Variants in COL21A1 observed in about 807,000 individuals in gnomAD.
The protein encoded by COL21A1 is collagen type XXI alpha 1 chain.
A neutral mutation model predicts 137.9 loss-of-function variants in COL21A1; 149 were observed. The ratio of observed to expected loss-of-function variants is 1.08; its 90% CI spans 0.95 to 1.24. COL21A1 has a LOEUF of 1.24. Ranked by LOEUF, COL21A1 falls within the 50% of genes most tolerant of loss-of-function variation. COL21A1 has a pLI of 0.00. For missense variants in COL21A1, 1,167 were observed against 1,158.4 expected (o/e 1.01, Z -0.11); for synonymous variants, 456 against 391.5 (o/e 1.16, Z -1.95).
At chr6:56,088,260 A>G (rs536891425) in intron 17 of COL21A1, among the ~76,000 whole-genome samples, 1 of 152,208 alleles carries the variant, frequency 6.6e-6, no homozygotes, top group South Asian at 2.1e-4. Flanking sequence ...GCTACTGAGG[A>G]GGCTGAAGCA....
chr6:56,078,873 A>G (rs1423592822), intron 17 of COL21A1, among the ~76,000 whole-genome samples: 1 of 150,112 alleles, frequency 6.7e-6, no homozygotes, highest in Non-Finnish European at 1.5e-5. Flanking sequence ...AAACGTAAGT[A>G]GAGAATAATA....
At chr6:56,269,649 C>G (rs567007357) in intron 1 of COL21A1, among the ~76,000 whole-genome samples, 13 of 100,690 alleles carry the variant, frequency 1.3e-4, no homozygotes, top group African/African-American at 4.4e-4. Context: ...AGCGAGACTC[C>G]GTCTCAAAAA....
intron 1 of COL21A1, among the ~76,000 whole-genome samples, chr6:56,304,262 G>A (rs1304630086): frequency 6.6e-6 from 1 of 151,936 alleles, no homozygotes; most frequent in Non-Finnish European, 1.5e-5. Flanking sequence ...GAGTTAGGGA[G>A]GATTCCCTCT....
intron 1 of COL21A1, among the ~76,000 whole-genome samples, chr6:56,361,778 G>GT (rs1765973745): frequency 6.6e-6 from 1 of 150,956 alleles, no homozygotes; most frequent in Admixed American, 6.6e-5. Context: ...GTGTGTGTGT[G>GT]GTGTGTGTGT....
In COL21A1 at chr6:56,056,791, A is replaced by G. The variant is rs1458788832; in HGVS notation, c.*866T>C. On this transcript the variant is annotated 3_prime_UTR_variant, in exon 30 of 30. Transcript: ENST00000244728. ...CAGGAGTTTTCCTTTTCTTTCAACT[A>G]GAGCATTAGCTTTATTTCCATTAGC... is the stretch of plus-strand genomic sequence containing the variant. 1.3e-5 allele frequency: 2 copies of G among 152,232 alleles called. No individual in the cohort carries two copies. Among genetic ancestry groups the G allele is most frequent in the East Asian group, 3.8e-4 (2 of 5,202 alleles). 9.4% of individuals were successfully genotyped at this position (152,232 alleles called of 1,614,324 possible). A position where few individuals can be genotyped will look rare whatever the true frequency, so the allele number is the denominator to read the frequency against.
intron 1 of COL21A1, among the ~76,000 whole-genome samples, chr6:56,308,175 C>T (rs1365323243): frequency 1.3e-5 from 2 of 152,140 alleles, no homozygotes; most frequent in East Asian, 3.9e-4. Flanking sequence ...CTGGTAACAG[C>T]CCATAAAGAA....
intron 17 of COL21A1, among the ~76,000 whole-genome samples, chr6:56,092,050 T>A (rs1289747323): frequency 6.6e-6 from 1 of 152,146 alleles, no homozygotes; most frequent in Non-Finnish European, 1.5e-5. Flanking sequence ...ATCTTGTCCT[T>A]TATTCTTAGA....
chr6:56,290,409 C>A (rs556421905), intron 1 of COL21A1, among the ~76,000 whole-genome samples: 1 of 151,960 alleles, frequency 6.6e-6, no homozygotes, highest in South Asian at 2.1e-4. Flanking sequence ...CAAGTGTCCC[C>A]TCAGGAGGAC....
intron 1 of COL21A1, among the ~76,000 whole-genome samples, chr6:56,366,452 G>A (rs1326977576): frequency 7.1e-6 from 1 of 141,680 alleles, no homozygotes; most frequent in Non-Finnish European, 1.5e-5. Context: ...GTAAGAATGG[G>A]CTACTCCCAT....
rs1765717809 is a variant in COL21A1 at position 56,060,745 on chromosome 6, T to G, written c.2403A>C (p.Ile801=). 1 of 1,604,484 alleles carries G rather than the reference T, an allele frequency of 6.2e-7. No individual in the cohort carries two copies. Among genetic ancestry groups the G allele is most frequent in the African/African-American group, 1.3e-5 (1 of 74,338 alleles). The change falls in exon 27 of 30, where the codon ATA becomes ATC. Residue 801 remains isoleucine, a synonymous_variant. Transcript: ENST00000244728. ...QFIRQVCTDV[I]RAQLPVLLQS... ...AATGCTATATTTGATACCTACCTCT[T>G]ATTACATCTGTGCAAACTTGTCGAA... is the stretch of plus-strand genomic sequence containing the variant.
rs573694454 is a variant in COL21A1 at position 56,211,458 on chromosome 6, C to G, written c.-38-28802G>C. ...AAAAAATATGTCAGAAATATTCTTT[C>G]CTGTTCTTAGGTGTGGCCAATAGCA... On this transcript the variant is annotated intron_variant, in intron 1 of 29. Transcript: ENST00000244728. 4.6e-5 allele frequency among the ~76,000 whole-genome samples: 7 copies of G among 151,982 alleles called. No individual in the cohort carries two copies. The East Asian group carries it at 1.2e-3, about 25-fold the overall frequency.
At chr6:56,187,704 A>G (rs1778389499) in intron 1 of COL21A1, among the ~76,000 whole-genome samples, 1 of 149,716 alleles carries the variant, frequency 6.7e-6, no homozygotes, top group African/African-American at 2.5e-5. Flanking sequence ...ATCTAGATGT[A>G]AAAACTAAAA....
upstream of COL21A1, among the ~76,000 whole-genome samples, chr6:56,247,903 G>A (rs1782738065): frequency 6.6e-6 from 1 of 152,194 alleles, no homozygotes; most frequent in Admixed American, 6.5e-5. Context: ...AGCATCGCCT[G>A]CACTGATCGA....
chr6:56,309,437 T>A (rs188682550), intron 1 of COL21A1, among the ~76,000 whole-genome samples: 166 of 152,108 alleles, frequency 1.1e-3, no homozygotes, highest in Non-Finnish European at 1.9e-3. Flanking sequence ...CATGAGAGAG[T>A]TTAGAGAGAG....
chr6:56,382,234 CA>C (rs2094009835), intron 1 of COL21A1, among the ~76,000 whole-genome samples: 1 of 152,304 alleles, frequency 6.6e-6, no homozygotes, highest in African/African-American at 2.4e-5. Context: ...TTGGAATGCT[CA>C]AGGCCTCCCT....
chr6:56,331,160 G>A (rs533328797), intron 1 of COL21A1, among the ~76,000 whole-genome samples: 2 of 151,606 alleles, frequency 1.3e-5, no homozygotes, highest in Admixed American at 6.6e-5. Context: ...TTTTTTTCTT[G>A]TTGGATTGTT....
At chr6:56,372,132 C>A (rs376047444) in intron 1 of COL21A1, among the ~76,000 whole-genome samples, 1 of 152,158 alleles carries the variant, frequency 6.6e-6, no homozygotes, top group African/African-American at 2.4e-5. Flanking sequence ...TATGCCAACT[C>A]CTGGAGAGGA....
intron 16 of COL21A1, among the ~76,000 whole-genome samples, chr6:56,108,087 C>A (rs76495685): frequency 6.6e-6 from 1 of 151,530 alleles, no homozygotes; most frequent in Admixed American, 6.6e-5. Flanking sequence ...GAATAGTAAA[C>A]GTAGTATAAA....
At chr6:56,099,622 C>T (rs753151917) in intron 17 of COL21A1, among the ~76,000 whole-genome samples, 1 of 151,214 alleles carries the variant, frequency 6.6e-6, no homozygotes. Flanking sequence ...TCCCATTAAC[C>T]TTTCCTTCTC....
Sources: gnomAD v4.1 joint callset for allele counts (sites outside exome capture counted in the v4.1 genomes callset) on GRCh38, gnomAD v4.1.1 for gene constraint, MANE v1.5 for transcripts, NCBI Gene and HGNC (gene_info 2026-07-23, HGNC 2026-07-21) for gene names.